Variants in LRRTM3 observed in about 807,000 individuals in gnomAD.
The protein encoded by LRRTM3 is leucine-rich repeat transmembrane neuronal protein 3.
LRRTM3 carries 24 observed loss-of-function variants against 44.7 expected under a neutral mutation model. The ratio of observed to expected loss-of-function variants is 0.54; its 90% CI spans 0.39 to 0.76. The LOEUF (loss-of-function observed/expected upper bound fraction) is 0.76, where lower values mean the gene tolerates loss of function less well. Among genes scored for constraint, LRRTM3 ranks in the 30% least tolerant of loss-of-function variants. LRRTM3 has a pLI of 0.00. For missense variants in LRRTM3, 587 were observed against 702.2 expected (o/e 0.84, Z 1.85); for synonymous variants, 277 against 278.7 (o/e 0.99, Z 0.06).
intron 2 of LRRTM3, among the ~76,000 whole-genome samples, chr10:66,953,791 T>A (rs545308445): frequency 1.7e-4 from 26 of 152,260 alleles, no homozygotes; most frequent in South Asian, 8.3e-4. Flanking sequence ...TTTATTTTTT[T>A]AAAAATTAGC....
At chr10:67,085,449 T>C (rs1857252716) in intron 2 of LRRTM3, among the ~76,000 whole-genome samples, 1 of 151,880 alleles carries the variant, frequency 6.6e-6, no homozygotes. Context: ...TGAGAAGAGC[T>C]ATTCACCACA....
intron 2 of LRRTM3, among the ~76,000 whole-genome samples, chr10:66,942,468 C>A (rs990412790): frequency 2.0e-5 from 3 of 152,026 alleles, no homozygotes; most frequent in African/African-American, 4.8e-5. Flanking sequence ...AGTAATTCAA[C>A]ATCATTTCCA....
intron 2 of LRRTM3, among the ~76,000 whole-genome samples, chr10:67,085,103 C>T (rs1279312947): frequency 1.3e-5 from 2 of 151,872 alleles, no homozygotes; most frequent in Non-Finnish European, 2.9e-5. Flanking sequence ...TCAATATCTA[C>T]TTTGAACTGT....
At chr10:67,019,194 C>A (rs1311006175) in intron 2 of LRRTM3, among the ~76,000 whole-genome samples, 4 of 152,000 alleles carry the variant, frequency 2.6e-5, no homozygotes, top group Non-Finnish European at 5.9e-5. Flanking sequence ...ACCATTCTTG[C>A]CACTTTTCTT....
At chr10:67,046,402 T>A (rs1854746276) in intron 2 of LRRTM3, among the ~76,000 whole-genome samples, 1 of 152,202 alleles carries the variant, frequency 6.6e-6, no homozygotes, top group Non-Finnish European at 1.5e-5. Context: ...CCAGAGTAAC[T>A]GAAACAGGGA....
chr10:67,040,974 T>C (rs1854354144), intron 2 of LRRTM3, among the ~76,000 whole-genome samples: 1 of 152,082 alleles, frequency 6.6e-6, no homozygotes, highest in African/African-American at 2.4e-5. Flanking sequence ...TAAGGTGATA[T>C]AAGCATTTTA....
intron 2 of LRRTM3, among the ~76,000 whole-genome samples, chr10:67,020,490 A>G (rs1200112558): frequency 2.0e-5 from 3 of 152,182 alleles, no homozygotes; most frequent in Non-Finnish European, 4.4e-5. Flanking sequence ...TACAGAGTCT[A>G]ACAATTTATC....
intron 2 of LRRTM3, among the ~76,000 whole-genome samples, chr10:67,087,048 C>T (rs1473721624): frequency 6.6e-5 from 10 of 151,962 alleles, no homozygotes; most frequent in South Asian, 2.1e-4. Context: ...AAACACAGCA[C>T]CAAGATTAGA....
intron 2 of LRRTM3, among the ~76,000 whole-genome samples, chr10:67,071,717 C>G (rs1274523346): frequency 6.6e-6 from 1 of 152,094 alleles, no homozygotes; most frequent in African/African-American, 2.4e-5. Context: ...TGTATTCTCT[C>G]CTCTCCTTTG....
Position 66,928,065 on chromosome 10 carries a change from G to T in LRRTM3, c.1149G>T (p.Lys383Asn). ...RALPKPTFKP[K>N]LPRPKHESKP... is the part of the protein sequence containing the mutation. ...TCCCAAAGCCGACGTTTAAGCCCAA[G>T]CTCCCCAGGCCGAAGCATGAGAGCA... The change falls in exon 2 of 3, where the codon AAG becomes AAT. Residue 383 changes from lysine (K) to asparagine (N), a missense_variant. By Grantham distance (94) the Lys-to-Asn change is moderately conservative. This residue lies in a region of LRRTM3 where 315 missense variants were observed against 335.6 expected (regional missense o/e 0.94). Transcript: ENST00000361320. The T allele has an allele frequency of 6.2e-7, 1 of 1,614,052 alleles. No homozygotes were observed.
intron 2 of LRRTM3, among the ~76,000 whole-genome samples, chr10:66,960,841 C>G (rs1849069521): frequency 6.6e-6 from 1 of 152,086 alleles, no homozygotes; most frequent in Non-Finnish European, 1.5e-5. Flanking sequence ...GGAATAGTGA[C>G]AGTGTTGATA....
chr10:67,095,989 T>G (rs1857967350), intron 2 of LRRTM3, among the ~76,000 whole-genome samples: 2 of 151,892 alleles, frequency 1.3e-5, no homozygotes, highest in South Asian at 4.1e-4. Flanking sequence ...TTCAGTCGCC[T>G]TGACCATTTT....
intron 2 of LRRTM3, among the ~76,000 whole-genome samples, chr10:66,979,030 T>C (rs1277763776): frequency 2.1e-5 from 3 of 143,382 alleles, no homozygotes; most frequent in Admixed American, 7.2e-5. Flanking sequence ...AATGGTGCAA[T>C]CTTGGCTTGC....
intron 2 of LRRTM3, among the ~76,000 whole-genome samples, chr10:66,966,055 C>T (rs923204547): frequency 3.3e-5 from 5 of 152,136 alleles, no homozygotes; most frequent in African/African-American, 9.7e-5. Flanking sequence ...TTCACTTTGA[C>T]ATATTACTTG....
At chr10:67,007,198 A>G (rs1852046195) in intron 2 of LRRTM3, among the ~76,000 whole-genome samples, 1 of 152,144 alleles carries the variant, frequency 6.6e-6, no homozygotes, top group Non-Finnish European at 1.5e-5. Context: ...TTACCTTCAA[A>G]TTCTTGGGTG....
At chr10:66,982,641 C>T (rs576608490) in intron 2 of LRRTM3, among the ~76,000 whole-genome samples, 57 of 151,992 alleles carry the variant, frequency 3.8e-4, no homozygotes, top group Non-Finnish European at 6.3e-4. Flanking sequence ...AATTGTTAAC[C>T]TTGTGAGGTT....
Position 67,024,090 on chromosome 10 carries a change from C to G in LRRTM3, c.1537-73497C>G, listed in dbSNP as rs79630268. The stretch of plus-strand genomic sequence containing the variant: ...GAAGTCCAAAATCAGCCTCACTGAG[C>G]TAAAGTCAAGTCAGCAGGACTGTGT... On this transcript the variant is annotated intron_variant, in intron 2 of 2. Coordinates refer to ENST00000361320, the MANE Select transcript of LRRTM3 (RefSeq NM_178011.5). Among the ~76,000 whole-genome samples, 1,168 of 152,308 alleles carry G rather than the reference C, an allele frequency of 7.7e-3. 39 individuals are homozygous for G. In the East Asian group the frequency reaches 0.11, roughly 14 times the overall value.
rs1384750374 is a variant in LRRTM3, at chr10:66,928,289, T to C, written c.1373T>C (p.Met458Thr). ...SMKQLQQRSL[M>T]RRHRKKKRQS... ...AAGCAGCTGCAGCAGCGCTCCCTCA[T>C]GCGAAGGCACAGGAAAAAGAAAAGA... is the stretch of plus-strand genomic sequence containing the variant. The change falls in exon 2 of 3, where the codon ATG (methionine) becomes ACG (threonine). Residue 458 changes from methionine (M) to threonine (T), a missense_variant. This residue lies in a region of LRRTM3 where 315 missense variants were observed against 335.6 expected (regional missense o/e 0.94). Transcript: ENST00000361320. 3.1e-6 allele frequency: 5 copies of C among 1,614,058 alleles called. No individual in the cohort carries two copies. The highest frequency in any genetic ancestry group is 4.2e-6 in the Non-Finnish European group (5 of 1,180,004).
intron 2 of LRRTM3, among the ~76,000 whole-genome samples, chr10:67,095,742 A>G (rs1451086370): frequency 6.6e-6 from 1 of 151,844 alleles, no homozygotes; most frequent in Non-Finnish European, 1.5e-5. Flanking sequence ...CTACAGATAT[A>G]TGACCCATAA....
Sources: gnomAD v4.1 joint callset for allele counts (sites outside exome capture counted in the v4.1 genomes callset) on GRCh38, gnomAD v4.1.1 for gene constraint, gnomAD v4.1.1 regional missense constraint, MANE v1.5 for transcripts, NCBI Gene and HGNC (gene_info 2026-07-23, HGNC 2026-07-21) for gene names.